MCTP2: variants seen among roughly 807,000 people sequenced by gnomAD.
MCTP2 encodes the protein multiple C2 and transmembrane domain-containing protein 2.
A neutral mutation model predicts 111.6 loss-of-function variants in MCTP2; 132 were observed. The observed-to-expected ratio is 1.18, with a 90% CI of 1.03 to 1.37. The LOEUF (loss-of-function observed/expected upper bound fraction) is 1.37. MCTP2 is among the 40% of genes most tolerant of loss of function. The probability of loss-of-function intolerance (pLI) is 0.00; values close to 1 mark genes in which losing one functional copy is unlikely to be tolerated. For synonymous variants in MCTP2, 395 were observed against 387.7 expected (o/e 1.02, Z -0.22); for missense variants, 1,183 against 1,067.9 (o/e 1.11, Z -1.50).
At position 94,339,423 on chromosome 15, in the gene MCTP2, A is replaced by G. The variant is rs2077522414; in HGVS notation, c.771A>G (p.Leu257=). The G allele has an allele frequency of 3.1e-6, 5 of 1,601,066 alleles. No individual in the cohort carries two copies. The East Asian group carries it at 8.9e-5, about 29-fold the overall frequency. Residue 257 remains leucine, a synonymous_variant, in exon 5 of 23, where the codon CTA becomes CTG. Coordinates refer to ENST00000357742, the MANE Select transcript of MCTP2 (RefSeq NM_001385001.1). ...CAATCCAAAGCCTTGATCAAAAGCT[A>G]CGTGTGAAGGTAATCACAGATAGCT... ...VLPIQSLDQK[L]RVKVYDRDLT...
rs1467430815 is a variant in MCTP2 at position 94,459,576 on chromosome 15, TATG to T, written c.2360+1334_2360+1336del. On this transcript the variant is annotated intron_variant, in intron 20 of 22. Transcript: ENST00000357742. ...GAAAAAAATAATTTTTGCTCACAGATATGATGCCTATTTGCTTTATTCTTGTAG... is the reference window on the plus strand; with the variant it reads ...GAAAAAAATAATTTTTGCTCACAGATATGCCTATTTGCTTTATTCTTGTAG... Among the ~76,000 whole-genome samples, 6 of 152,370 alleles carry T rather than the reference TATG, an allele frequency of 3.9e-5. No homozygotes were observed. In the East Asian group the frequency reaches 5.8e-4, roughly 15 times the overall value.
chr15:94,241,470 C>T (rs925521510), intron 1 of MCTP2, among the ~76,000 whole-genome samples: 1 of 152,128 alleles, frequency 6.6e-6, no homozygotes, highest in East Asian at 1.9e-4. Flanking sequence ...TATCCTAAAT[C>T]TGGCCAGTCG....
At chr15:94,368,267 C>CT (rs1244465469) in intron 11 of MCTP2, among the ~76,000 whole-genome samples, 2 of 152,176 alleles carry the variant, frequency 1.3e-5, no homozygotes, top group African/African-American at 4.8e-5. Flanking sequence ...CTGTTCTGAA[C>CT]TAGTCTGGAT....
intron 16 of MCTP2, 108 bp downstream of exon 16, chr15:94,400,103 C>A (rs1470493490): frequency 2.4e-6 from 2 of 831,694 alleles, no homozygotes; most frequent in Non-Finnish European, 4.0e-6. Flanking sequence ...CTCCCTCTTA[C>A]TCCTCCTCTC....
intron 9 of MCTP2, among the ~76,000 whole-genome samples, chr15:94,356,875 C>T (rs146328335): frequency 2.2e-4 from 34 of 152,128 alleles, no homozygotes; most frequent in Admixed American, 1.8e-3. Context: ...ATCCAAATTC[C>T]GTTTAATTTT....
At chr15:94,467,134 C>CCA (rs2073412986) in intron 20 of MCTP2, among the ~76,000 whole-genome samples, 3 of 152,034 alleles carry the variant, frequency 2.0e-5, no homozygotes, top group Non-Finnish European at 1.5e-5. Context: ...GTTATTATTC[C>CCA]TGTTTTAGAG....
chr15:94,336,895 C>T (rs954143219), intron 4 of MCTP2, among the ~76,000 whole-genome samples: 1 of 151,978 alleles, frequency 6.6e-6, no homozygotes, highest in Non-Finnish European at 1.5e-5. Flanking sequence ...TTGGTGACGG[C>T]CCCAGAATGG....
At chr15:94,341,018 T>C in intron 7 of MCTP2, 94 bp downstream of exon 7, 1 of 786,744 alleles carries the variant, frequency 1.3e-6, no homozygotes, top group South Asian at 1.5e-5. Context: ...AGATGACTGA[T>C]GTTTTTGCAA....
At chr15:94,466,280 C>T (rs541849433) in intron 20 of MCTP2, among the ~76,000 whole-genome samples, 1 of 151,980 alleles carries the variant, frequency 6.6e-6, no homozygotes, top group Admixed American at 6.6e-5. Context: ...TTGTGGTTTG[C>T]ATTTTTAAGA....
At chr15:94,239,045 A>G (rs142917030) in intron 1 of MCTP2, among the ~76,000 whole-genome samples, 31 of 152,144 alleles carry the variant, frequency 2.0e-4, no homozygotes, top group African/African-American at 7.5e-4. Flanking sequence ...CTAAAAACAA[A>G]AACACCCAAA....
At chr15:94,399,543 GA>G (rs1430399899) in intron 15 of MCTP2, 2 of 177,638 alleles carry the variant, frequency 1.1e-5, no homozygotes, top group African/African-American at 4.7e-5. Context: ...TCATAAACTG[GA>G]AATTGTTATT....
At chr15:94,247,089 A>T (rs756200953) in intron 1 of MCTP2, among the ~76,000 whole-genome samples, 1 of 152,156 alleles carries the variant, frequency 6.6e-6, no homozygotes, top group Non-Finnish European at 1.5e-5. Flanking sequence ...TTATTAATTT[A>T]TATTTAAAAA....
At chr15:94,271,747 A>T (rs556073504) in intron 1 of MCTP2, among the ~76,000 whole-genome samples, 18 of 152,250 alleles carry the variant, frequency 1.2e-4, no homozygotes, top group African/African-American at 4.1e-4. Flanking sequence ...GTTTCTGAAA[A>T]ATTTGTCTGG....
chr15:94,308,717 T>TG lies in MCTP2; in HGVS notation c.466-5565_466-5564insG, dbSNP rs570862679. Among the ~76,000 whole-genome samples the TG allele has an allele frequency of 7.3e-4, 111 of 152,216 alleles. 1 individual carries two copies. Among genetic ancestry groups the TG allele is most frequent in the African/African-American group, 2.4e-3 (100 of 41,502 alleles). ...CATTTCAACAGGGGTTGATAAACTT[T>TG]TTTTTTAGAAAGGGCCAGAGCTTTG... is the stretch of plus-strand genomic sequence containing the variant. On this transcript the variant is annotated intron_variant, in intron 2 of 22. Coordinates refer to ENST00000357742, the MANE Select transcript of MCTP2 (RefSeq NM_001385001.1).
At chr15:94,472,573 G>A (rs2074018035) in intron 21 of MCTP2, among the ~76,000 whole-genome samples, 2 of 152,090 alleles carry the variant, frequency 1.3e-5, no homozygotes, top group Non-Finnish European at 2.9e-5. Context: ...TCCACTTTAT[G>A]GATAAAGTTA....
At chr15:94,324,719 A>G (rs950157578) in intron 4 of MCTP2, among the ~76,000 whole-genome samples, 3 of 152,200 alleles carry the variant, frequency 2.0e-5, no homozygotes, top group African/African-American at 4.8e-5. Context: ...AAAAATTTAA[A>G]GATCTCTCGA....
chr15:94,384,520 C>G (rs1043910235), intron 13 of MCTP2, among the ~76,000 whole-genome samples: 3 of 152,100 alleles, frequency 2.0e-5, no homozygotes, highest in Non-Finnish European at 4.4e-5. Context: ...TTAGAGACCC[C>G]CAAAGGCTCC....
intron 19 of MCTP2, among the ~76,000 whole-genome samples, 199 bp downstream of exon 19, chr15:94,443,159 A>G (rs1198705985): frequency 6.6e-6 from 1 of 152,022 alleles, no homozygotes; most frequent in Non-Finnish European, 1.5e-5. Context: ...AGAAGGGTAA[A>G]ATAGAAGGAA....
chr15:94,376,280 G>C (rs947445455), intron 12 of MCTP2, among the ~76,000 whole-genome samples: 1 of 152,100 alleles, frequency 6.6e-6, no homozygotes, highest in East Asian at 1.9e-4. Flanking sequence ...CTTTTCCATG[G>C]GCCCTGGATT....
Sources: allele counts gnomAD v4.1 joint callset (sites outside exome capture counted in the v4.1 genomes callset), GRCh38; gene constraint gnomAD v4.1.1; transcripts MANE v1.5; gene names NCBI Gene and HGNC (gene_info 2026-07-23, HGNC 2026-07-21).